BMPR1B: variants seen among roughly 807,000 people sequenced by gnomAD.
BMPR1B encodes bone morphogenetic protein receptor type-1B.
In BMPR1B, 12 loss-of-function variants were observed where a neutral mutation model predicts 59.1. That is an observed-to-expected ratio of 0.20 (90% CI 0.13 to 0.33). The LOEUF (loss-of-function observed/expected upper bound fraction) is 0.33, where lower values mean the gene tolerates loss of function less well. Among genes scored for constraint, BMPR1B ranks in the 10% least tolerant of loss-of-function variants. The probability of loss-of-function intolerance (pLI) is 1.00; values close to 1 mark genes in which losing one functional copy is unlikely to be tolerated. For synonymous variants in BMPR1B, 237 were observed against 207.3 expected (o/e 1.14, Z -1.23); for missense variants, 550 against 610.9 (o/e 0.90, Z 1.05).
chr4:94,848,051 C>T (rs1294849858), intron 1 of BMPR1B, among the ~76,000 whole-genome samples: 1 of 151,964 alleles, frequency 6.6e-6, no homozygotes, highest in Non-Finnish European at 1.5e-5. Flanking sequence ...ATGTATACAC[C>T]TAATATGTGC....
intron 10 of BMPR1B, among the ~76,000 whole-genome samples, chr4:95,144,490 T>TAA (rs1210564583): frequency 1.1e-3 from 167 of 148,978 alleles, no homozygotes; most frequent in East Asian, 0.011. Flanking sequence ...TTTTTTTTTT[T>TAA]AAAAAAAATA....
chr4:95,119,768 T>G (rs1732337695), intron 6 of BMPR1B, among the ~76,000 whole-genome samples: 1 of 152,220 alleles, frequency 6.6e-6, no homozygotes, highest in African/African-American at 2.4e-5. Flanking sequence ...AAATAGCTGT[T>G]AAACATATAT....
chr4:94,912,165 C>A (rs1056892445), intron 2 of BMPR1B, among the ~76,000 whole-genome samples: 1 of 152,022 alleles, frequency 6.6e-6, no homozygotes, highest in Non-Finnish European at 1.5e-5. Flanking sequence ...GGGGAAAGCA[C>A]CCCCATGATT....
intron 3 of BMPR1B, among the ~76,000 whole-genome samples, chr4:95,072,134 T>C (rs1179574828): frequency 6.6e-6 from 1 of 152,102 alleles, no homozygotes; most frequent in Non-Finnish European, 1.5e-5. Flanking sequence ...AAAAAGCCCA[T>C]GTCCTAGTAT....
chr4:94,985,773 A>G (rs1007269745), intron 2 of BMPR1B, among the ~76,000 whole-genome samples: 2 of 152,182 alleles, frequency 1.3e-5, no homozygotes, highest in Non-Finnish European at 2.9e-5. Flanking sequence ...ACACTGGGCT[A>G]TTCCCTTACC....
At chr4:94,848,899 CCA>C (rs1157836899) in intron 1 of BMPR1B, among the ~76,000 whole-genome samples, 1 of 152,118 alleles carries the variant, frequency 6.6e-6, no homozygotes, top group Non-Finnish European at 1.5e-5. Context: ...AAGGATTTTT[CCA>C]GATGACATGA....
At chr4:95,022,831 T>A (rs1400872066) in intron 3 of BMPR1B, among the ~76,000 whole-genome samples, 1 of 152,092 alleles carries the variant, frequency 6.6e-6, no homozygotes, top group African/African-American at 2.4e-5. Flanking sequence ...TTTAAAGGAA[T>A]GATAAAGATT....
chr4:95,047,500 T>C (rs1158071756), intron 3 of BMPR1B, among the ~76,000 whole-genome samples: 1 of 151,980 alleles, frequency 6.6e-6, no homozygotes, highest in Non-Finnish European at 1.5e-5. Flanking sequence ...TCTCATCATA[T>C]CAGGGGTACC....
chr4:94,862,213 C>T (rs150083252), intron 1 of BMPR1B, among the ~76,000 whole-genome samples: 1 of 151,566 alleles, frequency 6.6e-6, no homozygotes, highest in African/African-American at 2.4e-5. Context: ...TACAGTGGCA[C>T]GGTCTTGGCT....
intron 3 of BMPR1B, among the ~76,000 whole-genome samples, chr4:95,012,624 G>A (rs1723302695): frequency 6.6e-6 from 1 of 152,096 alleles, no homozygotes; most frequent in Non-Finnish European, 1.5e-5. Flanking sequence ...TTGGCATAGA[G>A]ACAGTTATTT....
At chr4:94,857,570 A>G (rs557640341) in intron 1 of BMPR1B, among the ~76,000 whole-genome samples, 1 of 152,226 alleles carries the variant, frequency 6.6e-6, no homozygotes, top group African/African-American at 2.4e-5. Flanking sequence ...TGTACTTTAT[A>G]CATTTCCCAA....
chr4:94,890,284 TCTGCA>T (rs1404822925), intron 2 of BMPR1B, among the ~76,000 whole-genome samples: 1 of 152,076 alleles, frequency 6.6e-6, no homozygotes, highest in East Asian at 1.9e-4. Context: ...TGTCTGCATG[TCTGCA>T]CTTATTGCTA....
At chr4:95,146,505 T>C (rs1003116873) in intron 10 of BMPR1B, among the ~76,000 whole-genome samples, 2 of 152,200 alleles carry the variant, frequency 1.3e-5, no homozygotes, top group Non-Finnish European at 2.9e-5. Context: ...AGAGTAAGAA[T>C]GGAATGAAAT....
At chr4:94,778,772 A>G (rs1205857714) in intron 1 of BMPR1B, among the ~76,000 whole-genome samples, 2 of 152,176 alleles carry the variant, frequency 1.3e-5, no homozygotes, top group African/African-American at 4.8e-5. Context: ...ATTGTTAATG[A>G]TGATGAGCCA....
At chr4:94,830,970 CATT>C (rs1435071914) in intron 1 of BMPR1B, among the ~76,000 whole-genome samples, 3 of 152,114 alleles carry the variant, frequency 2.0e-5, no homozygotes, top group South Asian at 4.1e-4. Flanking sequence ...CACTTTTTGT[CATT>C]ATTTTGGAAT....
chr4:94,863,703 G>A (rs903760961), intron 1 of BMPR1B, among the ~76,000 whole-genome samples: 3 of 152,212 alleles, frequency 2.0e-5, no homozygotes, highest in South Asian at 2.1e-4. Context: ...ATGTGGCTGC[G>A]TTTTATTTAC....
chr4:94,871,365 C>T (rs17616243), intron 1 of BMPR1B, among the ~76,000 whole-genome samples: 19,421 of 152,108 alleles, frequency 0.13, 1,592 homozygotes, highest in Admixed American at 0.21. Context: ...CTAATCTTTT[C>T]TGCTATTTTA....
intron 3 of BMPR1B, among the ~76,000 whole-genome samples, chr4:95,075,053 T>TC (rs1483275760): frequency 3.3e-5 from 5 of 152,256 alleles, no homozygotes; most frequent in African/African-American, 1.2e-4. Context: ...CTAAAGAACA[T>TC]CCCACTTACT....
At chr4:94,851,664 TATA>T (rs1725570506) in intron 1 of BMPR1B, among the ~76,000 whole-genome samples, 2 of 138,454 alleles carry the variant, frequency 1.4e-5, no homozygotes, top group African/African-American at 2.9e-5. Context: ...TATTTTATCT[TATA>T]ATATTTATTA....
Sources: gnomAD v4.1 joint callset for allele counts (sites outside exome capture counted in the v4.1 genomes callset) on GRCh38, gnomAD v4.1.1 for gene constraint, MANE v1.5 for transcripts, NCBI Gene and HGNC (gene_info 2026-07-23, HGNC 2026-07-21) for gene names.